The following RORA variants were observed in gnomAD, a reference collection of about 807,000 sequenced individuals.
RORA encodes the protein nuclear receptor ROR-alpha.
In RORA, 7 loss-of-function variants were observed where a neutral mutation model predicts 69.5. The observed-to-expected ratio is 0.10, with a 90% CI of 0.06 to 0.19. The LOEUF (loss-of-function observed/expected upper bound fraction) is 0.19. Among genes scored for constraint, RORA ranks in the 10% least tolerant of loss-of-function variants. RORA has a pLI of 1.00. For missense variants in RORA, 457 were observed against 663.0 expected (o/e 0.69, Z 3.41); for synonymous variants, 261 against 240.8 (o/e 1.08, Z -0.78).
intron 1 of RORA, among the ~76,000 whole-genome samples, chr15:60,853,880 C>G (rs2073351658): frequency 6.6e-6 from 1 of 152,172 alleles, no homozygotes; most frequent in Non-Finnish European, 1.5e-5. Context: ...GCAATGTTTT[C>G]ATCTGGAAAT....
intron 3 of RORA, among the ~76,000 whole-genome samples, chr15:60,518,064 A>C (rs148791393): frequency 6.6e-6 from 1 of 152,034 alleles, no homozygotes; most frequent in Non-Finnish European, 1.5e-5. Flanking sequence ...GGGTTTCGCT[A>C]TGTTGCCCAG....
intron 1 of RORA, among the ~76,000 whole-genome samples, chr15:60,948,550 T>G (rs1045544993): frequency 6.6e-6 from 1 of 152,322 alleles, no homozygotes; most frequent in Non-Finnish European, 1.5e-5. Flanking sequence ...ATATATAATT[T>G]ATGCCAGACT....
At chr15:60,689,786 G>A (rs1567157093) in intron 1 of RORA, among the ~76,000 whole-genome samples, 1 of 152,162 alleles carries the variant, frequency 6.6e-6, no homozygotes, top group Non-Finnish European at 1.5e-5. Context: ...AGGAGGGATT[G>A]GAGTGACATA....
chr15:60,826,224 T>A (rs190537312), intron 1 of RORA, among the ~76,000 whole-genome samples: 1 of 152,168 alleles, frequency 6.6e-6, no homozygotes, highest in South Asian at 2.1e-4. Flanking sequence ...CTTTTTACAT[T>A]TTCTTTTCTT....
intron 1 of RORA, among the ~76,000 whole-genome samples, chr15:61,010,149 A>G (rs1895042282): frequency 6.6e-6 from 1 of 152,240 alleles, no homozygotes; most frequent in African/African-American, 2.4e-5. Flanking sequence ...TGAGTTAAAA[A>G]GAAAGACACT....
chr15:61,192,060 T>C (rs1381257275), intron 1 of RORA, among the ~76,000 whole-genome samples: 1 of 151,686 alleles, frequency 6.6e-6, no homozygotes, highest in Non-Finnish European at 1.5e-5. Flanking sequence ...CCATAGAGCA[T>C]GTTGCATGCA....
chr15:60,833,944 A>G (rs967698507), intron 1 of RORA, among the ~76,000 whole-genome samples: 2 of 152,126 alleles, frequency 1.3e-5, no homozygotes, highest in African/African-American at 4.8e-5. Flanking sequence ...AGAACTGGAC[A>G]CTATAGGAAT....
intron 8 of RORA, 68 bp from the exon 9 acceptor site, chr15:60,501,137 A>G: frequency 1.2e-6 from 1 of 805,658 alleles, no homozygotes; most frequent in Non-Finnish European, 2.1e-6. Context: ...CCTAGGTCTT[A>G]GGTTTTCCTA....
At chr15:60,746,753 G>A (rs751971980) in intron 1 of RORA, among the ~76,000 whole-genome samples, 44 of 152,270 alleles carry the variant, frequency 2.9e-4, no homozygotes, top group Middle Eastern at 6.8e-3. Context: ...TGGATACTTC[G>A]TCTTGCATAG....
intron 1 of RORA, among the ~76,000 whole-genome samples, chr15:61,012,983 T>C (rs932322024): frequency 1.3e-5 from 2 of 152,186 alleles, no homozygotes; most frequent in Non-Finnish European, 2.9e-5. Context: ...CTGCTCCCAA[T>C]TTTAATTACA....
At chr15:60,967,908 C>A (rs1279700458) in intron 1 of RORA, among the ~76,000 whole-genome samples, 2 of 152,178 alleles carry the variant, frequency 1.3e-5, no homozygotes, top group African/African-American at 4.8e-5. Context: ...CTTGCCATCT[C>A]CCCTGCCTCC....
chr15:60,835,999 C>T (rs1323609258), intron 1 of RORA, among the ~76,000 whole-genome samples: 2 of 152,152 alleles, frequency 1.3e-5, no homozygotes, highest in African/African-American at 2.4e-5. Context: ...GAGTGTTGCC[C>T]GATCACTTAC....
intron 1 of RORA, among the ~76,000 whole-genome samples, chr15:60,708,453 C>T (rs2071098929): frequency 6.6e-6 from 1 of 151,480 alleles, no homozygotes; most frequent in Non-Finnish European, 1.5e-5. Flanking sequence ...ATGTTACCAA[C>T]ATCACATCCA....
intron 1 of RORA, among the ~76,000 whole-genome samples, chr15:61,146,013 A>G (rs2079343754): frequency 6.6e-6 from 1 of 152,246 alleles, no homozygotes; most frequent in African/African-American, 2.4e-5. Flanking sequence ...GATAGCAGGT[A>G]GCTTGAGTTT....
chr15:60,616,975 A>G (rs2069260908), intron 2 of RORA, among the ~76,000 whole-genome samples: 2 of 152,248 alleles, frequency 1.3e-5, no homozygotes, highest in Admixed American at 1.3e-4. Context: ...CAAGATTCAT[A>G]TAAAAGACAA....
rs114754475 is a variant in RORA at position 60,772,304 on chromosome 15, C to G, written c.167-93618G>C. 5.9e-3 allele frequency among the ~76,000 whole-genome samples: 894 copies of G among 152,044 alleles called. 10 individuals carry two copies. Among genetic ancestry groups the G allele is most frequent in the African/African-American group, 0.02 (836 of 41,474 alleles). ...GTTCAAGGTGGGATTTTTAAAATGA[C>G]ACAATTGGAGACAAAAGTAGCTGGC... On this transcript the variant is annotated intron_variant, in intron 1 of 10. Coordinates refer to ENST00000335670, the MANE Select transcript of RORA (RefSeq NM_134261.3).
At chr15:60,626,392 G>A (rs2069582170) in intron 2 of RORA, among the ~76,000 whole-genome samples, 1 of 152,128 alleles carries the variant, frequency 6.6e-6, no homozygotes. Flanking sequence ...TGTTGTTGTT[G>A]TCGTTGTTGT....
rs3053858 is a variant in RORA, at chr15:60,624,471, CAT to C, written c.196+54184_196+54185del. Among the ~76,000 whole-genome samples the C allele has an allele frequency of 4.0e-3, 296 of 73,496 alleles. 8 individuals are homozygous for C. The highest frequency in any genetic ancestry group is 6.9e-3 in the Admixed American group (46 of 6,658). The allele number at this position is 73,496 out of a possible 152,430, so 48.2% of individuals were successfully genotyped here. On this transcript the variant is annotated intron_variant, in intron 2 of 10. Coordinates refer to ENST00000335670, the MANE Select transcript of RORA (RefSeq NM_134261.3). ...GGAAGAGGTCCTCTTCCATTTGCTG[CAT>C]ATATATATATATATATATATATATT...
At chr15:60,581,551 A>G (rs1312696366) in intron 2 of RORA, among the ~76,000 whole-genome samples, 1 of 152,236 alleles carries the variant, frequency 6.6e-6, no homozygotes, top group Non-Finnish European at 1.5e-5. Flanking sequence ...TATACAAAAT[A>G]GGCGGTATGC....
Sources: gnomAD v4.1 joint callset for allele counts (sites outside exome capture counted in the v4.1 genomes callset) on GRCh38, gnomAD v4.1.1 for gene constraint, MANE v1.5 for transcripts, NCBI Gene and HGNC (gene_info 2026-07-23, HGNC 2026-07-21) for gene names.